NADSYN1: variants seen among roughly 807,000 people sequenced by gnomAD.
NADSYN1 encodes glutamine-dependent NAD(+) synthetase.
NADSYN1 carries 80 observed loss-of-function variants against 99.3 expected under a neutral mutation model. That is an observed-to-expected ratio of 0.81 (90% CI 0.67 to 0.97). NADSYN1 has a LOEUF of 0.97. NADSYN1 is among the 50% of genes least tolerant of loss of function. The pLI, the probability that NADSYN1 is intolerant of heterozygous loss-of-function variation, is 0.00. For synonymous variants in NADSYN1, 385 were observed against 372.1 expected, an observed-to-expected ratio of 1.03 and a Z score of -0.40; for missense variants, 859 against 948.5, an observed-to-expected ratio of 0.91 and a Z score of 1.24.
chr11:71,458,356 T>TGGCCC (rs1168368728), intron 2 of NADSYN1, 72 bp from the exon 3 acceptor site: 9 of 1,147,898 alleles, frequency 7.8e-6, no homozygotes, highest in Admixed American at 3.4e-5. Context: ...CAGACTGGAC[T>TGGCCC]GGCCCACAGG....
intron 5 of NADSYN1, among the ~76,000 whole-genome samples, chr11:71,464,938 T>C (rs1949578074): frequency 6.6e-6 from 1 of 150,742 alleles, no homozygotes; most frequent in South Asian, 2.1e-4. Flanking sequence ...AGTGCTTAGG[T>C]TCCCTGCCCC....
At chr11:71,486,996 C>T (rs769024164) in intron 16 of NADSYN1, among the ~76,000 whole-genome samples, 5 of 151,888 alleles carry the variant, frequency 3.3e-5, no homozygotes, top group Non-Finnish European at 7.4e-5. Flanking sequence ...TTAGTAGAGA[C>T]GGTGTTTCAC....
At chr11:71,491,060 C>A (rs1949775688) in intron 17 of NADSYN1, 84 bp downstream of exon 17, 2 of 1,561,434 alleles carry the variant, frequency 1.3e-6, no homozygotes, top group Admixed American at 1.7e-5. Context: ...CACACTCAGG[C>A]TCCTTCGTAG....
chr11:71,467,752 G>A (rs1949602003), intron 5 of NADSYN1, among the ~76,000 whole-genome samples: 2 of 152,160 alleles, frequency 1.3e-5, no homozygotes, highest in Non-Finnish European at 1.5e-5. Flanking sequence ...TAACAAGGGT[G>A]GAATTCTTGT....
intron 3 of NADSYN1, 24 bp from the exon 4 acceptor site, chr11:71,463,408 A>G: frequency 6.2e-7 from 1 of 1,609,526 alleles, no homozygotes. Flanking sequence ...GCAGACACAC[A>G]TGTACCTCCC....
At chr11:71,485,728 T>A in intron 16 of NADSYN1, 80 bp downstream of exon 16, 2 of 1,077,434 alleles carry the variant, frequency 1.9e-6, no homozygotes, top group Non-Finnish European at 2.7e-6. Flanking sequence ...TGAGATTCTA[T>A]CATCCTGTGC....
intron 11 of NADSYN1, 41 bp from the exon 12 acceptor site, chr11:71,481,315 G>A: frequency 6.2e-7 from 1 of 1,610,042 alleles, no homozygotes; most frequent in Non-Finnish European, 8.5e-7. Context: ...CTGTGGGCAG[G>A]GGCCACCGCC....
chr11:71,453,952 A>C (rs1385299569), intron 1 of NADSYN1, among the ~76,000 whole-genome samples: 1 of 152,182 alleles, frequency 6.6e-6, no homozygotes, highest in Non-Finnish European at 1.5e-5. Flanking sequence ...TAAAAATACA[A>C]AAATCAGCCG....
At chr11:71,461,052 A>G (rs1054374873) in intron 3 of NADSYN1, 1 of 152,126 alleles carries the variant, frequency 6.6e-6, no homozygotes, top group Non-Finnish European at 1.5e-5. Context: ...TTTGCCTACA[A>G]CTGTTTTTGT....
intron 18 of NADSYN1, among the ~76,000 whole-genome samples, chr11:71,493,439 C>G (rs1949797340): frequency 2.6e-5 from 4 of 152,116 alleles, no homozygotes; most frequent in African/African-American, 9.7e-5. Flanking sequence ...TAGTAACCTC[C>G]TTAAGATTCC....
At chr11:71,458,171 C>G (rs969870059) in intron 2 of NADSYN1, among the ~76,000 whole-genome samples, 2 of 152,178 alleles carry the variant, frequency 1.3e-5, no homozygotes, top group African/African-American at 4.8e-5. Context: ...CGGGCACTTC[C>G]TGATAGAGAG....
In NADSYN1 at chr11:71,494,847, G is replaced by A. The variant is rs1232084253; in HGVS notation, c.1765-2636G>A. Among the ~76,000 whole-genome samples, 6 of 152,256 alleles carry A rather than the reference G, an allele frequency of 3.9e-5. 1 individual carries two copies. The South Asian group carries it at 1.0e-3, about 26-fold the overall frequency. On this transcript the variant is annotated intron_variant, in intron 18 of 20. Coordinates refer to ENST00000319023, the MANE Select transcript of NADSYN1 (RefSeq NM_018161.5). ...TGGGACTACAGGCGTGAGCCACCGC[G>A]TCTGGCCAATCCATTGATTTCTATA...
In NADSYN1 at chr11:71,473,356, A is replaced by G; in HGVS notation, c.538A>G (p.Thr180Ala). ...AAGTGAGATCTGTGAGGAGCTCTGG[A>G]CACCCCACAGGTCAGCCCCATGCCC... ...IGSEICEELW[T>A]PHSPHIDMGL... The change falls in exon 7 of 21, where the codon ACA becomes GCA. Residue 180 changes from threonine to alanine, a missense_variant. Thr to Ala is a moderately conservative substitution (Grantham distance 58, BLOSUM62 0). Coordinates refer to ENST00000319023, the MANE Select transcript of NADSYN1 (RefSeq NM_018161.5). 11 of 1,614,082 alleles carry G rather than the reference A, an allele frequency of 6.8e-6. No homozygotes were observed. Among genetic ancestry groups the G allele is most frequent in the Non-Finnish European group, 9.3e-6 (11 of 1,179,962 alleles).
chr11:71,469,396 G>C (rs541275931), intron 5 of NADSYN1, among the ~76,000 whole-genome samples: 1 of 152,168 alleles, frequency 6.6e-6, no homozygotes, highest in African/African-American at 2.4e-5. Context: ...CCCTAATCCC[G>C]CAGCACTAGA....
Position 71,490,909 on chromosome 11 carries a change from A to G in NADSYN1, c.1627A>G (p.Ser543Gly), listed in dbSNP as rs1949774440. ...GGACATCAACCCCATAGGCGGGATC[A>G]GCAAGACGGACCTCAGGGCCTTCGT... is the stretch of plus-strand genomic sequence containing the variant. ...SADINPIGGI[S>G]KTDLRAFVQF... The change falls in exon 17 of 21, where the codon AGC becomes GGC. Residue 543 changes from serine to glycine, a missense_variant. Ser to Gly is a moderately conservative substitution (Grantham distance 56). Coordinates refer to ENST00000319023, the MANE Select transcript of NADSYN1 (RefSeq NM_018161.5). 6.2e-7 allele frequency: 1 copy of G among 1,614,104 alleles called. No homozygotes were observed. Among genetic ancestry groups the G allele is most frequent in the African/African-American group, 1.3e-5 (1 of 74,938 alleles).
At chr11:71,485,507 A>G in intron 15 of NADSYN1, 35 bp from the exon 16 acceptor site, 2 of 1,501,594 alleles carry the variant, frequency 1.3e-6, no homozygotes, top group African/African-American at 1.4e-5. Context: ...TTCCTTTGCA[A>G]GGGAACCCGT....
At chr11:71,453,463 C>T in intron 1 of NADSYN1, 82 bp downstream of exon 1, 1 of 1,295,994 alleles carries the variant, frequency 7.7e-7, no homozygotes, top group Admixed American at 1.9e-5. Context: ...GTGGCGTGCT[C>T]ACAGCCTTGC....
intron 14 of NADSYN1, among the ~76,000 whole-genome samples, chr11:71,483,760 T>C (rs1379449910): frequency 6.6e-6 from 1 of 152,114 alleles, no homozygotes; most frequent in African/African-American, 2.4e-5. Flanking sequence ...AGCAGCACCA[T>C]TCACAGAAGC....
intron 9 of NADSYN1, chr11:71,477,051 A>G (rs1949672259): frequency 2.8e-6 from 3 of 1,076,844 alleles, no homozygotes; most frequent in Non-Finnish European, 3.4e-6. Flanking sequence ...TGCACCTGAA[A>G]TGGTCAACAG....
Sources: allele counts gnomAD v4.1 joint callset (sites outside exome capture counted in the v4.1 genomes callset), GRCh38; gene constraint gnomAD v4.1.1; transcripts MANE v1.5; gene names NCBI Gene and HGNC (gene_info 2026-07-23, HGNC 2026-07-21).